Variants in TEX11 observed in about 807,000 individuals in gnomAD.
TEX11 encodes the protein testis-expressed protein 11.
TEX11 carries 7 observed loss-of-function variants against 84.4 expected under a neutral mutation model. That is an observed-to-expected ratio of 0.08 (90% CI 0.05 to 0.16). The LOEUF (loss-of-function observed/expected upper bound fraction) is 0.16. Among genes scored for constraint, TEX11 ranks in the 10% least tolerant of loss-of-function variants. The pLI is 1.00. For synonymous variants in TEX11, 264 were observed against 222.8 expected (o/e 1.18, Z -1.64); for missense variants, 551 against 660.5 (o/e 0.83, Z 1.82).
At chrX:70,889,773 C>A (rs2091727727) in intron 2 of TEX11, among the ~76,000 whole-genome samples, 1 of 110,633 alleles carries the variant, frequency 9.0e-6, no homozygotes, top group African/African-American at 3.3e-5. Flanking sequence ...TAACTACAAA[C>A]CTAAAAATAT....
At chrX:70,834,782 G>A (rs1290510405) in intron 7 of TEX11, among the ~76,000 whole-genome samples, 1 of 108,204 alleles carries the variant, frequency 9.2e-6, no homozygotes, top group Non-Finnish European at 1.9e-5. Flanking sequence ...AAAAAAGGCT[G>A]ACACAGCATT....
At chrX:70,586,989 T>C (rs931631882) in intron 25 of TEX11, among the ~76,000 whole-genome samples, 1 of 112,161 alleles carries the variant, frequency 8.9e-6, no homozygotes, top group African/African-American at 3.2e-5. Flanking sequence ...GAGGAACTTC[T>C]TGGGAACTGG....
chrX:70,796,254 A>G (rs998018317), intron 9 of TEX11, among the ~76,000 whole-genome samples: 1 of 112,165 alleles, frequency 8.9e-6, no homozygotes, highest in Non-Finnish European at 1.9e-5. Flanking sequence ...GAACAAGTAG[A>G]TGAAATAAGT....
chrX:70,734,056 A>C (rs2147737464), intron 11 of TEX11, among the ~76,000 whole-genome samples: 1 of 110,975 alleles, frequency 9.0e-6, no homozygotes, highest in East Asian at 2.8e-4. Context: ...TCGCAAGGAC[A>C]AAAAACCAAA....
chrX:70,743,465 A>G (rs1260679180), intron 10 of TEX11, among the ~76,000 whole-genome samples: 1 of 112,231 alleles, frequency 8.9e-6, no homozygotes, highest in African/African-American at 3.2e-5. Context: ...TTTACATCAC[A>G]TTTATTTACA....
intron 13 of TEX11, among the ~76,000 whole-genome samples, chrX:70,712,599 A>T (rs1262446414): frequency 1.8e-5 from 2 of 110,734 alleles, no homozygotes; most frequent in Admixed American, 9.7e-5. Context: ...TTTGTCTGTT[A>T]TTGGTGTATA....
intron 13 of TEX11, among the ~76,000 whole-genome samples, chrX:70,709,678 G>C (rs1428679312): frequency 9.0e-6 from 1 of 111,085 alleles, no homozygotes; most frequent in Non-Finnish European, 1.9e-5. Flanking sequence ...GTAGAATCTA[G>C]ATAGCTCTGA....
intron 2 of TEX11, among the ~76,000 whole-genome samples, chrX:70,890,143 G>GA (rs1322581792): frequency 9.0e-6 from 1 of 111,480 alleles, no homozygotes; most frequent in Non-Finnish European, 1.9e-5. Flanking sequence ...ACTTATGTCA[G>GA]AAAAAACAGA....
At chrX:70,714,301 A>G (rs2147705782) in intron 13 of TEX11, among the ~76,000 whole-genome samples, 1 of 111,523 alleles carries the variant, frequency 9.0e-6, no homozygotes, top group South Asian at 3.9e-4. Flanking sequence ...GTAGATGTCT[A>G]TTAGGTCTGC....
intron 9 of TEX11, among the ~76,000 whole-genome samples, chrX:70,795,658 G>C (rs753613173): frequency 9.0e-6 from 1 of 111,056 alleles, no homozygotes; most frequent in South Asian, 3.8e-4. Flanking sequence ...CCATTTGTTA[G>C]AGAGAAAGCA....
At chrX:70,800,173 T>C (rs60705950) in intron 9 of TEX11, among the ~76,000 whole-genome samples, 6,132 of 111,127 alleles carry the variant, frequency 0.055, 350 homozygotes, top group South Asian at 0.17. Flanking sequence ...TTCTCACTTG[T>C]AAGTGGGAGC....
At chrX:70,728,465 T>A (rs1286939470) in intron 11 of TEX11, among the ~76,000 whole-genome samples, 2 of 112,809 alleles carry the variant, frequency 1.8e-5, no homozygotes, top group Non-Finnish European at 1.9e-5. Context: ...ACTCCCACCA[T>A]AATACTGCGC....
intron 20 of TEX11, among the ~76,000 whole-genome samples, chrX:70,614,515 C>G (rs2089296643): frequency 8.9e-6 from 1 of 111,997 alleles, no homozygotes; most frequent in Non-Finnish European, 1.9e-5. Flanking sequence ...AGCTACACTT[C>G]TAAGGTTTTT....
chrX:70,812,913 T>C (rs983217291), intron 8 of TEX11, among the ~76,000 whole-genome samples: 1 of 111,355 alleles, frequency 9.0e-6, no homozygotes, highest in Non-Finnish European at 1.9e-5. Flanking sequence ...GTTGAATCTC[T>C]GAATAGACCA....
In TEX11 at chrX:70,651,454, T is replaced by C. The variant is rs757795078; in HGVS notation, c.1479A>G (p.Glu493=). The C allele has an allele frequency of 1.7e-6, 2 of 1,182,799 alleles. No individual in the cohort carries two copies. Among genetic ancestry groups the C allele is most frequent in the East Asian group, 6.0e-5 (2 of 33,576 alleles). Residue 493 remains glutamate (E), a synonymous_variant, in exon 17 of 30, where the codon GAA becomes GAG. Coordinates refer to ENST00000374333, the MANE Select transcript of TEX11 (RefSeq NM_031276.3). The stretch of plus-strand genomic sequence containing the variant: ...AGTGACAAATAAAATTTATACCTCT[T>C]TCAGAGTTGCCCTCTATGACTGCAA... ...FKIAVIEGNS[E]RALQAIITLE...
At position 70,788,685 on chromosome X, in the gene TEX11, AACACACACACACACACACAC is replaced by A. The variant is rs753573687; in HGVS notation, c.692+18000_692+18019del. Among the ~76,000 whole-genome samples the A allele has an allele frequency of 1.2e-4, 8 of 69,451 alleles. No homozygotes were observed. In the South Asian group the frequency reaches 6.8e-3, roughly 59 times the overall value. 60.3% of individuals were successfully genotyped at this position (69,451 alleles called of 115,157 possible). On this transcript the variant is annotated intron_variant, in intron 9 of 29. Transcript: ENST00000374333. Reference sequence around the variant, plus strand: ...ATCAGAAAATGTAAATCTCTTGGGAAACACACACACACACACACACACACACACACACACACACACACACA... The same window carrying A: ...ATCAGAAAATGTAAATCTCTTGGGAAACACACACACACACACACACACACA...
At chrX:70,870,598 G>A (rs1602199061) in intron 4 of TEX11, among the ~76,000 whole-genome samples, 1 of 111,255 alleles carries the variant, frequency 9.0e-6, no homozygotes, top group Non-Finnish European at 1.9e-5. Flanking sequence ...GCCTCCCAAA[G>A]TGCTGGGATT....
chrX:70,816,091 C>A (rs1169287720), intron 8 of TEX11, among the ~76,000 whole-genome samples: 18 of 110,655 alleles, frequency 1.6e-4, no homozygotes, highest in Non-Finnish European at 3.4e-4. Flanking sequence ...CCACCCTTTC[C>A]CCCTGAGTCC....
chrX:70,679,676 C>G (rs938205176), intron 14 of TEX11, among the ~76,000 whole-genome samples: 1 of 107,906 alleles, frequency 9.3e-6, no homozygotes, highest in South Asian at 4.1e-4. Context: ...GCAGCCACCC[C>G]GTCTGGGAAG....
Sources: gnomAD v4.1 joint callset for allele counts (sites outside exome capture counted in the v4.1 genomes callset) on GRCh38, gnomAD v4.1.1 for gene constraint, MANE v1.5 for transcripts, NCBI Gene and HGNC (gene_info 2026-07-23, HGNC 2026-07-21) for gene names.